The following FAM83F variants were observed in gnomAD, a reference collection of about 807,000 sequenced individuals.
The protein encoded by FAM83F is protein FAM83F.
Under a neutral mutation model 42.9 loss-of-function variants are expected in FAM83F, and 45 were observed. That is an observed-to-expected ratio of 1.05 (90% confidence interval 0.83 to 1.35). The LOEUF (loss-of-function observed/expected upper bound fraction) is 1.35. FAM83F is among the 40% of genes most tolerant of loss of function. FAM83F has a pLI of 0.00. For missense variants in FAM83F, 617 were observed against 695.9 expected (o/e 0.89, Z 1.28); for synonymous variants, 306 against 298.3 (o/e 1.03, Z -0.27).
At position 40,021,269 on chromosome 22, in the gene FAM83F, T is replaced by A; in HGVS notation, c.780-21T>A. ...GAGGCCTGGGCACATGTGTCTTGCT[T>A]TTCTGTCCCCACGTTCCCAGGTTCA... On this transcript the variant is annotated intron_variant, in intron 3 of 4. Coordinates refer to ENST00000333407, the MANE Select transcript of FAM83F (RefSeq NM_138435.4). This position sits in a 1 kb window ranked among gnomAD's most constrained non-coding sequence, Gnocchi z 8.7. 6.6e-7 allele frequency: 1 copy of A among 1,521,686 alleles called. No individual in the cohort carries two copies. 94.3% of individuals were successfully genotyped at this position (1,521,686 alleles called of 1,614,324 possible). A position where few individuals can be genotyped will look rare whatever the true frequency, so the allele number is the denominator to read the frequency against.
intron 2 of FAM83F, among the ~76,000 whole-genome samples, chr22:40,019,600 G>A (rs376588931): frequency 1.8e-4 from 28 of 152,352 alleles, no homozygotes; most frequent in African/African-American, 6.3e-4. Context: ...TGCTTAGCCT[G>A]CAGAATCACT....
intron 1 of FAM83F, among the ~76,000 whole-genome samples, chr22:39,999,823 C>T (rs2067389841): frequency 6.6e-6 from 1 of 152,218 alleles, no homozygotes; most frequent in Admixed American, 6.5e-5. Context: ...AGGAGGGTAA[C>T]CAGCCAGGCT....
In FAM83F at chr22:40,030,951, G is replaced by T; in HGVS notation, c.*1386G>T. ...GAGAGCAAGAAAAGGGGCTGCTCTG[G>T]CTGGGCTGTGGGAGCCAGGCATTGC... On this transcript the variant is annotated 3_prime_UTR_variant, in exon 5 of 5. Transcript: ENST00000333407. The T allele has an allele frequency of 6.6e-6, 1 of 152,450 alleles. No homozygotes were observed. 9.4% of individuals were successfully genotyped at this position (152,450 alleles called of 1,614,324 possible).
At chr22:40,024,348 C>T (rs2067538784) in intron 4 of FAM83F, among the ~76,000 whole-genome samples, 1 of 152,190 alleles carries the variant, frequency 6.6e-6, no homozygotes, top group Non-Finnish European at 1.5e-5. Flanking sequence ...CTTCCCACAC[C>T]ATGGCCAAGT....
intron 1 of FAM83F, among the ~76,000 whole-genome samples, chr22:40,017,684 G>T (rs1601769002): frequency 1.3e-5 from 2 of 152,240 alleles, no homozygotes; most frequent in East Asian, 3.8e-4. Flanking sequence ...TAGAGTCGGT[G>T]CTTTCAGTTT....
intron 1 of FAM83F, among the ~76,000 whole-genome samples, chr22:40,004,848 G>A (rs897583384): frequency 1.2e-4 from 19 of 152,228 alleles, no homozygotes; most frequent in Admixed American, 9.8e-4. Context: ...ATGCTAGATG[G>A]GAACTGAGAT....
At chr22:40,016,066 G>A (rs1053702642) in intron 1 of FAM83F, among the ~76,000 whole-genome samples, 1 of 152,192 alleles carries the variant, frequency 6.6e-6, no homozygotes, top group African/African-American at 2.4e-5. Flanking sequence ...AGGTTTCCTT[G>A]GGGAGGTTCA....
At chr22:40,018,142 C>A (rs1175119271) in intron 1 of FAM83F, among the ~76,000 whole-genome samples, 2 of 152,250 alleles carry the variant, frequency 1.3e-5, no homozygotes, top group African/African-American at 4.8e-5. Context: ...TGAGCAATGA[C>A]CTTGATTTGA....
intron 1 of FAM83F, among the ~76,000 whole-genome samples, chr22:40,015,891 A>AG (rs753329848): frequency 6.6e-6 from 1 of 152,218 alleles, no homozygotes; most frequent in Non-Finnish European, 1.5e-5. Context: ...GTTGTAGCTT[A>AG]TCTGTCTTTA....
intron 1 of FAM83F, among the ~76,000 whole-genome samples, chr22:40,015,693 T>A (rs891648492): frequency 6.6e-6 from 1 of 152,216 alleles, no homozygotes; most frequent in Non-Finnish European, 1.5e-5. Flanking sequence ...TTCCCGTCCT[T>A]CACAGTTCAG....
rs2067535164 is a variant in FAM83F at position 40,023,799 on chromosome 22, A to C, written c.1453+1836A>C. Among the ~76,000 whole-genome samples the C allele has an allele frequency of 6.6e-6, 1 of 152,168 alleles. No homozygotes were observed. The highest frequency in any genetic ancestry group is 2.4e-5 in the African/African-American group (1 of 41,502). On this transcript the variant is annotated intron_variant, in intron 4 of 4. Transcript: ENST00000333407. The surrounding 1 kb of genome is among the most constrained non-coding windows in gnomAD (Gnocchi z 4.1). ...GGATAGAGAGAGAGAGGGAATAGTG[A>C]GGGCGAGGGCACGGACAGCCAGGAA... is the stretch of plus-strand genomic sequence containing the variant.
chr22:40,025,966 T>A (rs2080268016), intron 4 of FAM83F, among the ~76,000 whole-genome samples: 2 of 152,144 alleles, frequency 1.3e-5, no homozygotes, highest in South Asian at 4.1e-4. Flanking sequence ...CCCAGGGAGA[T>A]GACTGGGAAA....
At position 40,042,762 on chromosome 22, in the gene FAM83F, C is replaced by T. The variant is rs1318858596; in HGVS notation, c.*13197C>T. 1 of 152,170 alleles carries T rather than the reference C, an allele frequency of 6.6e-6. No individual in the cohort carries two copies. Among genetic ancestry groups the T allele is most frequent in the East Asian group, 1.9e-4 (1 of 5,196 alleles). 9.4% of individuals were successfully genotyped at this position (152,170 alleles called of 1,614,324 possible). On this transcript the variant is annotated 3_prime_UTR_variant, in exon 5 of 5. Coordinates refer to ENST00000333407, the MANE Select transcript of FAM83F (RefSeq NM_138435.4). ...GAAGGACACAAAGATGAAAAAGAAA[C>T]CATCTGCTTCAAGGTACTTACAACT...
In FAM83F at chr22:40,035,829, A is replaced by G. The variant is rs895579592; in HGVS notation, c.*6264A>G. On this transcript the variant is annotated 3_prime_UTR_variant, in exon 5 of 5. Coordinates refer to ENST00000333407, the MANE Select transcript of FAM83F (RefSeq NM_138435.4). ...CAGGGGCTGACGCAAACAGCTGGGC[A>G]TCGGAGGAGCCTCCAGGGTTGTGAC... 5 of 152,232 alleles carry G rather than the reference A, an allele frequency of 3.3e-5. No homozygotes were observed. The highest frequency in any genetic ancestry group is 7.3e-5 in the Non-Finnish European group (5 of 68,052). 9.4% of individuals were successfully genotyped at this position (152,232 alleles called of 1,614,324 possible). A position where few individuals can be genotyped will look rare whatever the true frequency, so the allele number is the denominator to read the frequency against.
At position 40,037,511 on chromosome 22, in the gene FAM83F, G is replaced by C. The variant is rs772341708; in HGVS notation, c.*7946G>C. 6.6e-6 allele frequency: 1 copy of C among 152,214 alleles called. No homozygotes were observed. The highest frequency in any genetic ancestry group is 1.5e-5 in the Non-Finnish European group (1 of 68,090). 9.4% of individuals were successfully genotyped at this position (152,214 alleles called of 1,614,324 possible). On this transcript the variant is annotated 3_prime_UTR_variant, in exon 5 of 5. Coordinates refer to ENST00000333407, the MANE Select transcript of FAM83F (RefSeq NM_138435.4). Reference sequence around the variant, plus strand: ...TAGGACACCTCTCCTTTATGCCTCCGCTCCCAACACGGACTCTCAACTCTC... The same window carrying C: ...TAGGACACCTCTCCTTTATGCCTCCCCTCCCAACACGGACTCTCAACTCTC...
intron 1 of FAM83F, among the ~76,000 whole-genome samples, chr22:40,001,386 C>T (rs1477387861): frequency 6.6e-6 from 1 of 152,140 alleles, no homozygotes; most frequent in Admixed American, 6.5e-5. Flanking sequence ...GGCTCATGTC[C>T]CCAGCACTTT....
At position 40,032,784 on chromosome 22, in the gene FAM83F, T is replaced by A. The variant is rs1204018566; in HGVS notation, c.*3219T>A. The A allele has an allele frequency of 6.6e-6, 1 of 152,098 alleles. No individual in the cohort carries two copies. The highest frequency in any genetic ancestry group is 1.5e-5 in the Non-Finnish European group (1 of 68,024). 9.4% of individuals were successfully genotyped at this position (152,098 alleles called of 1,614,324 possible). A position where few individuals can be genotyped will look rare whatever the true frequency, so the allele number is the denominator to read the frequency against. ...CAGGGTTTCACCATGTTAGCCAGGTTGGTCTTGATCTCCTGACCTTGTGAT... is the reference window on the plus strand; with the variant it reads ...CAGGGTTTCACCATGTTAGCCAGGTAGGTCTTGATCTCCTGACCTTGTGAT... On this transcript the variant is annotated 3_prime_UTR_variant, in exon 5 of 5. Transcript: ENST00000333407.
intron 2 of FAM83F, 133 bp downstream of exon 2, chr22:40,019,468 T>C: frequency 1.3e-6 from 1 of 791,292 alleles, no homozygotes; most frequent in Non-Finnish European, 2.0e-6. Flanking sequence ...ACACCTTTCC[T>C]TTTGTTGAAA....
chr22:40,007,576 CCTCTCCTCCTCCTCTCTT>C, intron 1 of FAM83F, among the ~76,000 whole-genome samples: 1 of 68,136 alleles, frequency 1.5e-5, no homozygotes, highest in Non-Finnish European at 3.0e-5. Flanking sequence ...CTCCTCCTCT[CCTCTCCTCCTCCTCTCTT>C]CTCCTCCTCC....
Sources: allele counts gnomAD v4.1 joint callset (sites outside exome capture counted in the v4.1 genomes callset), GRCh38; gene constraint gnomAD v4.1.1; non-coding constraint Gnocchi (gnomAD v3.1); transcripts MANE v1.5; gene names NCBI Gene and HGNC (gene_info 2026-07-23, HGNC 2026-07-21).